The following MAGI3 variants were observed in gnomAD, a reference collection of about 807,000 sequenced individuals.
MAGI3 encodes membrane-associated guanylate kinase, WW and PDZ domain-containing protein 3.
In MAGI3, 43 loss-of-function variants were observed where a neutral mutation model predicts 121.8. The ratio of observed to expected loss-of-function variants is 0.35; its 90% CI spans 0.28 to 0.46. The LOEUF (loss-of-function observed/expected upper bound fraction) is 0.46, where lower values mean the gene tolerates loss of function less well. Among genes scored for constraint, MAGI3 ranks in the 20% least tolerant of loss-of-function variants. The pLI, the probability that MAGI3 is intolerant of heterozygous loss-of-function variation, is 1.00. For missense variants in MAGI3, 1,547 were observed against 1,797.3 expected (o/e 0.86, Z 2.52); for synonymous variants, 553 against 639.3 (o/e 0.86, Z 2.04).
intron 1 of MAGI3, among the ~76,000 whole-genome samples, chr1:113,519,915 G>A (rs1278558968): frequency 6.6e-6 from 1 of 152,206 alleles, no homozygotes; most frequent in Non-Finnish European, 1.5e-5. Flanking sequence ...AATCCCAGGG[G>A]CTAGCCAAGG....
rs775434974 is a variant in MAGI3, at chr1:113,653,806, C to G, written c.2441-24C>G. On this transcript the variant is annotated intron_variant, in intron 14 of 20. Transcript: ENST00000307546. ...AGAAATTATGATGTTCCAGACATAT[C>G]AAAACTGATCATGTTTATTACAGAA... 13 of 1,568,508 alleles carry G rather than the reference C, an allele frequency of 8.3e-6. No individual in the cohort carries two copies. The South Asian group carries it at 1.5e-4, about 19-fold the overall frequency.
At chr1:113,395,463 A>G (rs1205275621) in intron 1 of MAGI3, among the ~76,000 whole-genome samples, 2 of 151,794 alleles carry the variant, frequency 1.3e-5, no homozygotes, top group Non-Finnish European at 1.5e-5. Flanking sequence ...GACACCTTCA[A>G]TTCATATGAG....
intron 6 of MAGI3, 92 bp from the exon 7 acceptor site, chr1:113,614,509 A>G: frequency 2.1e-6 from 2 of 973,756 alleles, no homozygotes; most frequent in Non-Finnish European, 3.3e-6. Flanking sequence ...ACACCCAAAT[A>G]TTAGTATAAT....
intron 1 of MAGI3, chr1:113,450,596 A>G: frequency 9.1e-7 from 1 of 1,093,172 alleles, no homozygotes; most frequent in Non-Finnish European, 1.4e-6. Flanking sequence ...TGATTTTGGA[A>G]ATTATAGTGG....
At chr1:113,670,474 A>ATTTTCAC (rs1048414353) in intron 16 of MAGI3, among the ~76,000 whole-genome samples, 1 of 152,120 alleles carries the variant, frequency 6.6e-6, no homozygotes, top group African/African-American at 2.4e-5. Context: ...TTAACATGAG[A>ATTTTCAC]TTTTCACTAT....
At chr1:113,451,810 CAT>C (rs1033640817) in intron 1 of MAGI3, among the ~76,000 whole-genome samples, 8 of 152,070 alleles carry the variant, frequency 5.3e-5, no homozygotes, top group Non-Finnish European at 1.2e-4. Flanking sequence ...AAAAGGTAAA[CAT>C]GTAGTAGAAA....
chr1:113,591,832 G>A (rs1648708986), intron 5 of MAGI3, among the ~76,000 whole-genome samples: 1 of 152,124 alleles, frequency 6.6e-6, no homozygotes, highest in Non-Finnish European at 1.5e-5. Context: ...CAGATTATGA[G>A]ACATTTAATC....
At chr1:113,416,075 A>C (rs1211037959) in intron 1 of MAGI3, among the ~76,000 whole-genome samples, 4 of 148,650 alleles carry the variant, frequency 2.7e-5, no homozygotes, top group African/African-American at 9.8e-5. Flanking sequence ...TTATGTAATT[A>C]ATGACACATA....
chr1:113,502,983 C>T (rs1341477844), intron 1 of MAGI3, among the ~76,000 whole-genome samples: 191 of 46,820 alleles, frequency 4.1e-3, no homozygotes, highest in Non-Finnish European at 5.7e-3. Flanking sequence ...AAACCAAACA[C>T]CGCATATTCT....
intron 1 of MAGI3, among the ~76,000 whole-genome samples, chr1:113,423,794 C>T (rs963630907): frequency 2.6e-5 from 4 of 152,046 alleles, no homozygotes; most frequent in African/African-American, 9.7e-5. Flanking sequence ...GTCCCTTTCC[C>T]GCCTGGGAAT....
At chr1:113,450,273 A>G (rs1654411363) in intron 1 of MAGI3, 1 of 1,597,528 alleles carries the variant, frequency 6.3e-7, no homozygotes, top group Non-Finnish European at 8.6e-7. Context: ...GATCACAGAG[A>G]GGTCGTGGAG....
intron 1 of MAGI3, among the ~76,000 whole-genome samples, chr1:113,533,854 G>A (rs1268568589): frequency 1.4e-5 from 2 of 148,016 alleles, no homozygotes; most frequent in African/African-American, 5.0e-5. Context: ...TCTTTATGAT[G>A]CTGTTGTTTT....
chr1:113,671,644 C>T, intron 16 of MAGI3, 90 bp from the exon 17 acceptor site: 2 of 1,148,684 alleles, frequency 1.7e-6, no homozygotes, highest in Non-Finnish European at 2.6e-6. Flanking sequence ...CAGCAATAGC[C>T]ATCTGTTATT....
intron 9 of MAGI3, among the ~76,000 whole-genome samples, chr1:113,633,697 C>A (rs1427038233): frequency 1.3e-5 from 2 of 152,172 alleles, no homozygotes; most frequent in Non-Finnish European, 2.9e-5. Flanking sequence ...AATAAACATA[C>A]TTGTGCATGT....
intron 1 of MAGI3, among the ~76,000 whole-genome samples, chr1:113,515,773 A>C (rs981022778): frequency 6.6e-6 from 1 of 152,132 alleles, no homozygotes; most frequent in Non-Finnish European, 1.5e-5. Flanking sequence ...TTTAAGGCTT[A>C]AGTTACATTT....
rs1659677798 is a variant in MAGI3, at chr1:113,549,516, C to T, written c.318C>T (p.Gly106=). Residue 106 remains glycine (G), a splice_region_variant and synonymous_variant, in exon 2 of 21, where the codon GGC becomes GGT. Transcript: ENST00000307546. ...EPIRLKTVKP[G]KVINKDLRHY... ...TTTTTTTTTTTGTCTTTGCTCCAGG[C>T]AAAGTCATTAATAAAGATTTGCGGC... 1.3e-6 allele frequency: 2 copies of T among 1,539,332 alleles called. No homozygotes were observed. Among genetic ancestry groups the T allele is most frequent in the Admixed American group, 1.9e-5 (1 of 51,950 alleles).
chr1:113,450,216 T>C lies in MAGI3; in HGVS notation c.316+58867T>C, dbSNP rs1654407438. ...AATACCACACTATTAATGGGCATAATTGTGAAGTGAAAAAGGCCCTTTCTA... is the reference window on the plus strand; with the variant it reads ...AATACCACACTATTAATGGGCATAACTGTGAAGTGAAAAAGGCCCTTTCTA... On this transcript the variant is annotated intron_variant, in intron 1 of 20. Transcript: ENST00000307546. The C allele has an allele frequency of 1.4e-5, 22 of 1,587,590 alleles. 1 individual carries two copies. The South Asian group carries it at 2.3e-4, about 17-fold the overall frequency.
At chr1:113,629,757 T>TCTCTCCCTCTCC (rs1274672181) in intron 9 of MAGI3, among the ~76,000 whole-genome samples, 7,900 of 95,168 alleles carry the variant, frequency 0.083, 355 homozygotes, top group Non-Finnish European at 0.1. Context: ...TCTCTCTCTC[T>TCTCTCCCTCTCC]CTCTCCCTCC....
intron 11 of MAGI3, 110 bp from the exon 12 acceptor site, chr1:113,646,376 C>T (rs1652842129): frequency 7.5e-6 from 6 of 799,734 alleles, no homozygotes; most frequent in Non-Finnish European, 9.4e-6. Flanking sequence ...TTGATCCTGC[C>T]ACCTATACAA....
Sources: gnomAD v4.1 joint callset for allele counts (sites outside exome capture counted in the v4.1 genomes callset) on GRCh38, gnomAD v4.1.1 for gene constraint, MANE v1.5 for transcripts, NCBI Gene and HGNC (gene_info 2026-07-23, HGNC 2026-07-21) for gene names.